Variants in EYS observed in about 807,000 individuals in gnomAD.
EYS encodes the protein EGF-like photoreceptor maintenance factor, also known as protein eyes shut homolog.
A neutral mutation model predicts 282.1 loss-of-function variants in EYS; 250 were observed. That is an observed-to-expected ratio of 0.89 (90% CI 0.80 to 0.98). The LOEUF (loss-of-function observed/expected upper bound fraction) is 0.98. Among genes scored for constraint, EYS ranks in the 50% least tolerant of loss-of-function variants. The probability of loss-of-function intolerance (pLI) is 0.00; values close to 1 mark genes in which losing one functional copy is unlikely to be tolerated. For synonymous variants in EYS, 1,355 were observed against 1,282.9 expected (o/e 1.06, Z -1.20); for missense variants, 4,016 against 3,709.0 (o/e 1.08, Z -2.15).
chr6:65,644,022 A>G (rs1767372948), intron 1 of EYS, among the ~76,000 whole-genome samples: 1 of 152,066 alleles, frequency 6.6e-6, no homozygotes, highest in South Asian at 2.1e-4. Context: ...GTTTTTTAAC[A>G]CCCTTAAAAG....
chr6:65,356,482 C>T (rs534727148), intron 8 of EYS, among the ~76,000 whole-genome samples: 4 of 152,060 alleles, frequency 2.6e-5, no homozygotes, highest in African/African-American at 7.2e-5. Flanking sequence ...ATATGAATCC[C>T]TGCTCACAGG....
At chr6:64,469,758 G>A (rs893319983) in intron 26 of EYS, among the ~76,000 whole-genome samples, 1 of 152,006 alleles carries the variant, frequency 6.6e-6, no homozygotes, top group African/African-American at 2.4e-5. Flanking sequence ...CACCTCTTGT[G>A]GAGGGCCTGA....
intron 26 of EYS, among the ~76,000 whole-genome samples, chr6:64,559,390 C>T (rs1028932272): frequency 2.0e-5 from 3 of 151,474 alleles, no homozygotes; most frequent in African/African-American, 4.8e-5. Context: ...AAGTCCTCGT[C>T]TCAAGGGATC....
intron 2 of EYS, among the ~76,000 whole-genome samples, chr6:65,542,783 C>A (rs2127322971): frequency 6.6e-6 from 1 of 152,092 alleles, no homozygotes; most frequent in African/African-American, 2.4e-5. Flanking sequence ...TTGGTAAATA[C>A]TATTATGAGC....
chr6:64,628,808 A>T (rs576135352), intron 22 of EYS, among the ~76,000 whole-genome samples: 18 of 152,354 alleles, frequency 1.2e-4, no homozygotes, highest in Admixed American at 3.3e-4. Flanking sequence ...AGTTTAAAAA[A>T]TTTTTAATAT....
In EYS at chr6:64,196,850, T is replaced by A. The variant is rs570601186; in HGVS notation, c.6424+33742A>T. ...CATGGCACATGTATACATATGTAAC[T>A]AACCTGCACATTGTGCACATGTACC... On this transcript the variant is annotated intron_variant, in intron 31 of 42. Transcript: ENST00000503581. 2.0e-5 allele frequency among the ~76,000 whole-genome samples: 3 copies of A among 152,090 alleles called. No homozygotes were observed. In the South Asian group the frequency reaches 6.2e-4, roughly 32 times the overall value.
intron 28 of EYS, among the ~76,000 whole-genome samples, chr6:64,429,044 A>C (rs1774501487): frequency 6.6e-6 from 1 of 152,138 alleles, no homozygotes; most frequent in African/African-American, 2.4e-5. Flanking sequence ...TTTCAGCTGA[A>C]CTTCCACAGA....
intron 1 of EYS, among the ~76,000 whole-genome samples, chr6:65,674,557 A>G (rs1768510545): frequency 6.6e-6 from 1 of 151,682 alleles, no homozygotes; most frequent in Non-Finnish European, 1.5e-5. Context: ...GAAATATTGA[A>G]GGCCAGAAGG....
rs191396960 is a variant in EYS at position 64,224,865 on chromosome 6, G to C, written c.6424+5727C>G. Among the ~76,000 whole-genome samples the C allele has an allele frequency of 1.1e-3, 168 of 152,052 alleles. 3 individuals carry two copies. Among genetic ancestry groups the C allele is most frequent in the Admixed American group, 0.011 (160 of 15,236 alleles). ...TTTTTTGTGTTGAAATAAAGAAGAG[G>C]CCTGTTTTGTGATATCTTGGTGGAT... On this transcript the variant is annotated intron_variant, in intron 31 of 42. Transcript: ENST00000503581.
At chr6:64,389,321 G>T (rs533051930) in intron 28 of EYS, among the ~76,000 whole-genome samples, 2 of 152,220 alleles carry the variant, frequency 1.3e-5, no homozygotes, top group African/African-American at 4.8e-5. Flanking sequence ...ATTAACAAAT[G>T]AATAAATCAA....
chr6:63,859,628 G>A lies in EYS; in HGVS notation c.7228+4558C>T, dbSNP rs566618989. On this transcript the variant is annotated intron_variant, in intron 36 of 42. Coordinates refer to ENST00000503581, the MANE Select transcript of EYS (RefSeq NM_001142800.2). ...ACATTAAGAGAACATTCTAATAAAT[G>A]CTACTGCCACCAGAAAAAAAAAAAA... Among the ~76,000 whole-genome samples, 8 of 148,638 alleles carry A rather than the reference G, an allele frequency of 5.4e-5. No individual in the cohort carries two copies. In the East Asian group the frequency reaches 1.6e-3, roughly 29 times the overall value.
At chr6:64,145,399 C>G (rs756780775) in intron 31 of EYS, among the ~76,000 whole-genome samples, 9 of 152,168 alleles carry the variant, frequency 5.9e-5, no homozygotes, top group Non-Finnish European at 1.2e-4. Flanking sequence ...AGCAGTGGAT[C>G]TACAATGACA....
chr6:63,720,458 T>C lies in EYS; in HGVS notation c.*138A>G, dbSNP rs747686160. 15 of 610,758 alleles carry C rather than the reference T, an allele frequency of 2.5e-5. No individual in the cohort carries two copies. Among genetic ancestry groups the C allele is most frequent in the Non-Finnish European group, 3.7e-5 (14 of 375,416 alleles). The allele number at this position is 610,758 out of a possible 1,614,324, so 37.8% of individuals were successfully genotyped here. On this transcript the variant is annotated 3_prime_UTR_variant, in exon 43 of 43. Transcript: ENST00000503581. The stretch of plus-strand genomic sequence containing the variant: ...CCTTCAGTGACATTTTACAATCTTA[T>C]CAAAAAGATATGTTAGCATTTAGAC...
intron 12 of EYS, among the ~76,000 whole-genome samples, chr6:65,161,400 C>T (rs1204194619): frequency 4.0e-5 from 6 of 150,938 alleles, no homozygotes; most frequent in Admixed American, 6.6e-5. Context: ...AATGTACAAG[C>T]CTCTCTCAGA....
intron 31 of EYS, among the ~76,000 whole-genome samples, chr6:64,153,494 G>T (rs1774811869): frequency 6.6e-6 from 1 of 152,088 alleles, no homozygotes; most frequent in East Asian, 1.9e-4. Context: ...ATAAAATGTA[G>T]AATTTAAACA....
At chr6:65,143,279 A>G (rs1242596306) in intron 12 of EYS, among the ~76,000 whole-genome samples, 1 of 151,710 alleles carries the variant, frequency 6.6e-6, no homozygotes, top group Non-Finnish European at 1.5e-5. Flanking sequence ...TTTTTGTACC[A>G]CAGGATATAG....
intron 22 of EYS, among the ~76,000 whole-genome samples, chr6:64,661,208 T>C (rs9452301): frequency 0.95 from 144,697 of 152,150 alleles, 69,198 homozygotes; most frequent in Non-Finnish European, 1. Context: ...AACTGGATCC[T>C]GTCCTTACAC....
chr6:65,336,910 A>C (rs1474540181), intron 10 of EYS, among the ~76,000 whole-genome samples: 4 of 151,532 alleles, frequency 2.6e-5, no homozygotes, highest in African/African-American at 9.7e-5. Flanking sequence ...TTATATATTT[A>C]CATATACATA....
chr6:64,238,207 T>C (rs1295647738), intron 30 of EYS, among the ~76,000 whole-genome samples: 1 of 152,164 alleles, frequency 6.6e-6, no homozygotes, highest in East Asian at 1.9e-4. Context: ...TAGGATTCCT[T>C]AGATTACAAG....
Sources: allele counts gnomAD v4.1 joint callset (sites outside exome capture counted in the v4.1 genomes callset), GRCh38; gene constraint gnomAD v4.1.1; transcripts MANE v1.5; gene names NCBI Gene and HGNC (gene_info 2026-07-23, HGNC 2026-07-21).